The following KCNQ1 variants were observed in gnomAD, a reference collection of about 807,000 sequenced individuals.
KCNQ1 encodes potassium voltage-gated channel subfamily KQT member 1.
A neutral mutation model predicts 72.4 loss-of-function variants in KCNQ1; 49 were observed. The ratio of observed to expected loss-of-function variants is 0.68; its 90% CI spans 0.54 to 0.86. The LOEUF (loss-of-function observed/expected upper bound fraction) is 0.86, where lower values mean the gene tolerates loss of function less well. KCNQ1 is among the 40% of genes least tolerant of loss of function. The pLI is 0.00. For missense variants in KCNQ1, 790 were observed against 945.1 expected, an observed-to-expected ratio of 0.84 and a Z score of 2.15; for synonymous variants, 450 against 412.6, an observed-to-expected ratio of 1.09 and a Z score of -1.10.
Position 2,848,069 on chromosome 11 carries a change from C to T in KCNQ1, c.*66C>T, listed in dbSNP as rs994976684. 3.9e-5 allele frequency: 54 copies of T among 1,370,464 alleles called. No individual in the cohort carries two copies. The highest frequency in any genetic ancestry group is 5.2e-5 in the Non-Finnish European group (52 of 994,070). 84.9% of individuals were successfully genotyped at this position (1,370,464 alleles called of 1,614,324 possible). A position where few individuals can be genotyped will look rare whatever the true frequency, so the allele number is the denominator to read the frequency against. ...AGGCCAAGAGTGGCCCCACCTGGCC[C>T]TCTCTGAAGGAGGCCACCTCCTAAA... On this transcript the variant is annotated 3_prime_UTR_variant, in exon 16 of 16. Transcript: ENST00000155840.
In KCNQ1 at chr11:2,565,986, C is replaced by G. The variant is rs998269754; in HGVS notation, c.478-4642C>G. On this transcript the variant is annotated intron_variant, in intron 2 of 15. Coordinates refer to ENST00000155840, the MANE Select transcript of KCNQ1 (RefSeq NM_000218.3). This position sits in a 1 kb window ranked among gnomAD's most constrained non-coding sequence, Gnocchi z 5.6. ...CTCCAGGCCAGACCCAGCTCTCCAGCTTCCCGGCTGCCCACTAGATGACCA... is the reference window on the plus strand; with the variant it reads ...CTCCAGGCCAGACCCAGCTCTCCAGGTTCCCGGCTGCCCACTAGATGACCA... Among the ~76,000 whole-genome samples, 1 of 152,144 alleles carries G rather than the reference C, an allele frequency of 6.6e-6. No individual in the cohort carries two copies. The highest frequency in any genetic ancestry group is 1.5e-5 in the Non-Finnish European group (1 of 68,028).
At chr11:2,805,625 C>T (rs1034824864) in intron 15 of KCNQ1, among the ~76,000 whole-genome samples, 2 of 152,208 alleles carry the variant, frequency 1.3e-5, no homozygotes, top group Non-Finnish European at 2.9e-5. Flanking sequence ...GTCGTTGTAA[C>T]AGAGATCGTG....
At position 2,703,613 on chromosome 11, in the gene KCNQ1, A is replaced by G. The variant is rs779692797; in HGVS notation, c.1514+41532A>G. Among the ~76,000 whole-genome samples the G allele has an allele frequency of 2.0e-5, 3 of 151,928 alleles. No homozygotes were observed. The highest frequency in any genetic ancestry group is 1.3e-4 in the Admixed American group (2 of 15,266). The stretch of plus-strand genomic sequence containing the variant: ...GATTAGGGGAGGAAGTTGCTGAGCT[A>G]ATTCTTTTGCATTTGCCAGCACAGA... On this transcript the variant is annotated intron_variant, in intron 11 of 15. Transcript: ENST00000155840. The surrounding 1 kb of genome is among the most constrained non-coding windows in gnomAD (Gnocchi z 6.4).
At chr11:2,820,794 G>T (rs947631522) in intron 15 of KCNQ1, among the ~76,000 whole-genome samples, 3 of 152,174 alleles carry the variant, frequency 2.0e-5, no homozygotes, top group Non-Finnish European at 2.9e-5. Context: ...CGTGGCTTCC[G>T]CCTCCCTTCC....
At position 2,848,824 on chromosome 11, in the gene KCNQ1, G is replaced by A. The variant is rs1407087384; in HGVS notation, c.*821G>A. ...GCCACCTCCCCTTGCCAGCTGCTGA[G>A]CCGCAGAGAAGTGACGGTTCCTACA... On this transcript the variant is annotated 3_prime_UTR_variant, in exon 16 of 16. Transcript: ENST00000155840. 2.4e-5 allele frequency: 11 copies of A among 454,070 alleles called. No individual in the cohort carries two copies. In the East Asian group the frequency reaches 4.2e-4, roughly 17 times the overall value. The allele number at this position is 454,070 out of a possible 1,614,324, so 28.1% of individuals were successfully genotyped here.
intron 1 of KCNQ1, among the ~76,000 whole-genome samples, chr11:2,449,835 G>A (rs889161649): frequency 6.6e-6 from 1 of 152,164 alleles, no homozygotes; most frequent in Admixed American, 6.5e-5. Context: ...TGCACTTGAC[G>A]TCCTTGCCAG....
At chr11:2,790,958 G>A (rs1452225868) in intron 15 of KCNQ1, among the ~76,000 whole-genome samples, 1 of 147,292 alleles carries the variant, frequency 6.8e-6, no homozygotes, top group African/African-American at 2.5e-5. Context: ...AATCCCCCAA[G>A]AACTGTTCTT....
rs1359531984 is a variant in KCNQ1 at position 2,720,705 on chromosome 11, G to C, written c.1515-48139G>C. ...CCACCACCAGCCCCTTCCCCCTTTT[G>C]CAGGGCGGCTCCCAGAACCTAGGAG... On this transcript the variant is annotated intron_variant, in intron 11 of 15. Coordinates refer to ENST00000155840, the MANE Select transcript of KCNQ1 (RefSeq NM_000218.3). The surrounding 1 kb of genome is among the most constrained non-coding windows in gnomAD (Gnocchi z 5.1). Among the ~76,000 whole-genome samples, 1 of 152,172 alleles carries C rather than the reference G, an allele frequency of 6.6e-6. No individual in the cohort carries two copies. The highest frequency in any genetic ancestry group is 1.5e-5 in the Non-Finnish European group (1 of 68,018).
intron 11 of KCNQ1, chr11:2,688,067 T>C: frequency 2.5e-6 from 1 of 398,942 alleles, no homozygotes; most frequent in Non-Finnish European, 4.4e-6. Flanking sequence ...ATGGAGTTGG[T>C]GCTTCTAGGG....
chr11:2,621,170 G>C lies in KCNQ1; in HGVS notation c.1393+32316G>C. ...TTTTTGTGTTTTTAGTAGAGACGGG[G>C]TTTCACCATGTTGGCCAGGATGGTC... is the stretch of plus-strand genomic sequence containing the variant. On this transcript the variant is annotated intron_variant, in intron 10 of 15. Coordinates refer to ENST00000155840, the MANE Select transcript of KCNQ1 (RefSeq NM_000218.3). This position sits in a 1 kb window ranked among gnomAD's most constrained non-coding sequence, Gnocchi z 5.7. 2.5e-6 allele frequency: 1 copy of C among 397,398 alleles called. No homozygotes were observed. The highest frequency in any genetic ancestry group is 4.4e-5 in the Admixed American group (1 of 22,694). The allele number at this position is 397,398 out of a possible 1,614,324, so 24.6% of individuals were successfully genotyped here.
intron 1 of KCNQ1, among the ~76,000 whole-genome samples, chr11:2,466,217 A>G (rs1306486284): frequency 6.6e-6 from 1 of 152,008 alleles, no homozygotes; most frequent in African/African-American, 2.4e-5. Flanking sequence ...CAGCTGCCCC[A>G]TTTTGTAGCT....
In KCNQ1 at chr11:2,645,311, C is replaced by T; in HGVS notation, c.1394-16650C>T. On this transcript the variant is annotated intron_variant, in intron 10 of 15. Transcript: ENST00000155840. This position sits in a 1 kb window ranked among gnomAD's most constrained non-coding sequence, Gnocchi z 5.8. The stretch of plus-strand genomic sequence containing the variant: ...GCCCCCAGGAGTGCTCAGGTGCCAA[C>T]AATACTGGATAGGGCAGGGTGATCC... The T allele has an allele frequency of 2.5e-6, 1 of 398,668 alleles. No homozygotes were observed. Among genetic ancestry groups the T allele is most frequent in the Admixed American group, 4.4e-5 (1 of 22,736 alleles). The allele number at this position is 398,668 out of a possible 1,614,324, so 24.7% of individuals were successfully genotyped here.
At chr11:2,584,467 G>C (rs147828821) in intron 7 of KCNQ1, among the ~76,000 whole-genome samples, 52 of 151,218 alleles carry the variant, frequency 3.4e-4, no homozygotes, top group African/African-American at 1.1e-3. Flanking sequence ...GTGTATGTTA[G>C]TGTATGTTAG....
chr11:2,570,100 C>T (rs1258630879), intron 2 of KCNQ1, among the ~76,000 whole-genome samples: 1 of 139,118 alleles, frequency 7.2e-6, no homozygotes, highest in Admixed American at 6.8e-5. Flanking sequence ...CCCGGGGTTC[C>T]TGGCGTGGGA....
chr11:2,553,153 G>GTTTTTTTTTTTT (rs1379059079), intron 2 of KCNQ1, among the ~76,000 whole-genome samples: 2 of 122,652 alleles, frequency 1.6e-5, no homozygotes, highest in Non-Finnish European at 1.6e-5. Context: ...TGTTTTTGGG[G>GTTTTTTTTTTTT]TTTTTTTTGT....
rs1848720462 is a variant in KCNQ1 at position 2,595,411 on chromosome 11, A to T, written c.1393+6557A>T. On this transcript the variant is annotated intron_variant, in intron 10 of 15. Transcript: ENST00000155840. The surrounding 1 kb of genome is among the most constrained non-coding windows in gnomAD (Gnocchi z 5.0). The stretch of plus-strand genomic sequence containing the variant: ...ATTGACTGCACTTTGCTGATAATGC[A>T]TTTTTTACAAATTGAAGGTTTGTGG... Among the ~76,000 whole-genome samples the T allele has an allele frequency of 6.6e-6, 1 of 152,136 alleles. No homozygotes were observed.
At chr11:2,534,285 G>A (rs959553619) in intron 2 of KCNQ1, among the ~76,000 whole-genome samples, 1 of 152,254 alleles carries the variant, frequency 6.6e-6, no homozygotes, top group Non-Finnish European at 1.5e-5. Flanking sequence ...CTCACCTGGT[G>A]TTTTTCACCT....
In KCNQ1 at chr11:2,848,134, A is replaced by G; in HGVS notation, c.*131A>G. 1 of 790,556 alleles carries G rather than the reference A, an allele frequency of 1.3e-6. No individual in the cohort carries two copies. The highest frequency in any genetic ancestry group is 2.1e-6 in the Non-Finnish European group (1 of 469,462). The allele number at this position is 790,556 out of a possible 1,614,324, so 49.0% of individuals were successfully genotyped here. On this transcript the variant is annotated 3_prime_UTR_variant, in exon 16 of 16. Coordinates refer to ENST00000155840, the MANE Select transcript of KCNQ1 (RefSeq NM_000218.3). Reference sequence around the variant, plus strand: ...GAGCCCCACTCTCAGAGGCCCCAATACCCCATGGACCATGCTGTCTGGCAC... The same window carrying G: ...GAGCCCCACTCTCAGAGGCCCCAATGCCCCATGGACCATGCTGTCTGGCAC...
chr11:2,668,927 C>G lies in KCNQ1; in HGVS notation c.1514+6846C>G, dbSNP rs892696576. 2.5e-5 allele frequency: 10 copies of G among 398,490 alleles called. No individual in the cohort carries two copies. The Admixed American group carries it at 2.6e-4, about 11-fold the overall frequency. 24.7% of individuals were successfully genotyped at this position (398,490 alleles called of 1,614,324 possible). On this transcript the variant is annotated intron_variant, in intron 11 of 15. Coordinates refer to ENST00000155840, the MANE Select transcript of KCNQ1 (RefSeq NM_000218.3). This position sits in a 1 kb window ranked among gnomAD's most constrained non-coding sequence, Gnocchi z 4.3. ...TTATTCTAAAGCTTTATTAGCTCAC[C>G]TTTCCCATGTAGATCTGCACTCCAT... is the stretch of plus-strand genomic sequence containing the variant.
Sources: gnomAD v4.1 joint callset for allele counts (sites outside exome capture counted in the v4.1 genomes callset) on GRCh38, gnomAD v4.1.1 for gene constraint, Gnocchi (gnomAD v3.1) non-coding constraint, MANE v1.5 for transcripts, NCBI Gene and HGNC (gene_info 2026-07-23, HGNC 2026-07-21) for gene names.